LRRC37A3: variants seen among roughly 807,000 people sequenced by gnomAD.
LRRC37A3 encodes the protein leucine rich repeat containing 37 member A3, also known as leucine-rich repeat-containing protein 37A3.
LRRC37A3 carries 25 observed loss-of-function variants against 106.2 expected under a neutral mutation model. The observed-to-expected ratio is 0.24, with a 90% CI of 0.17 to 0.33. The LOEUF (loss-of-function observed/expected upper bound fraction) is 0.33, where lower values mean the gene tolerates loss of function less well. Ranked by LOEUF, LRRC37A3 falls within the 10% of genes least tolerant of loss-of-function variation. LRRC37A3 has a pLI of 1.00. For synonymous variants in LRRC37A3, 305 were observed against 635.8 expected (o/e 0.48, Z 7.83); for missense variants, 712 against 1,644.9 (o/e 0.43, Z 9.81).
intron 8 of LRRC37A3, chr17:64,881,304 G>C (rs1382560627): frequency 1.5e-6 from 1 of 665,458 alleles, no homozygotes; most frequent in East Asian, 2.7e-5. Context: ...GTGCAGTGCA[G>C]TGGTGTGATC....
intron 2 of LRRC37A3, among the ~76,000 whole-genome samples, chr17:64,913,485 C>T (rs1174123164): frequency 6.6e-6 from 1 of 151,946 alleles, no homozygotes; most frequent in East Asian, 1.9e-4. Flanking sequence ...GGACTACAGA[C>T]GTGTGCCACC....
chr17:64,896,818 G>A lies in LRRC37A3; in HGVS notation c.440C>T (p.Pro147Leu). 2 of 1,610,442 alleles carry A rather than the reference G, an allele frequency of 1.2e-6. No individual in the cohort carries two copies. Among genetic ancestry groups the A allele is most frequent in the Non-Finnish European group, 1.7e-6 (2 of 1,179,938 alleles). Residue 147 changes from proline (P) to leucine (L), a missense_variant, in exon 4 of 15, where the codon CCC (proline) becomes CTC (leucine). Physicochemically the swap from Pro to Leu is moderately conservative, Grantham distance 98. Coordinates refer to ENST00000584306, the MANE Select transcript of LRRC37A3 (RefSeq NM_199340.5). ...LSPQERLPVS[P>L]KKLKKDPAQR... Reference sequence around the variant, plus strand: ...AGCTGGATCTTTCTTCAGCTTCTTGGGCGAAACAGGGAGCCTTTCCTGTGG... The same window carrying A: ...AGCTGGATCTTTCTTCAGCTTCTTGAGCGAAACAGGGAGCCTTTCCTGTGG...
chr17:64,874,352 GA>G (rs1469621481), intron 8 of LRRC37A3, among the ~76,000 whole-genome samples: 1 of 150,712 alleles, frequency 6.6e-6, no homozygotes, highest in African/African-American at 2.4e-5. Flanking sequence ...TCTGAGACGT[GA>G]GGAGCCCCTA....
At position 64,917,375 on chromosome 17, in the gene LRRC37A3, G is replaced by T. The variant is rs552326833; in HGVS notation, c.-496+1375C>A. On this transcript the variant is annotated intron_variant, in intron 2 of 14. Coordinates refer to ENST00000584306, the MANE Select transcript of LRRC37A3 (RefSeq NM_199340.5). ...ACAGCTACTTTGGAAAACAGTTTTG[G>T]CAGTTTCTTATAAACATACAACCCA... 8.4e-3 allele frequency among the ~76,000 whole-genome samples: 1,269 copies of T among 151,408 alleles called. 18 individuals are homozygous for T. The highest frequency in any genetic ancestry group is 0.029 in the African/African-American group (1,179 of 41,196).
Position 64,877,881 on chromosome 17 carries a change from G to A in LRRC37A3, c.2906+8205C>T, listed in dbSNP as rs568305770. 2.6e-5 allele frequency among the ~76,000 whole-genome samples: 4 copies of A among 151,946 alleles called. No individual in the cohort carries two copies. The South Asian group carries it at 8.3e-4, about 32-fold the overall frequency. The stretch of plus-strand genomic sequence containing the variant: ...TTATGGAAAATTGATTTTTGACAAG[G>A]GTGCTGAAACAATTCTACGTGGAAA... On this transcript the variant is annotated intron_variant, in intron 8 of 14. Coordinates refer to ENST00000584306, the MANE Select transcript of LRRC37A3 (RefSeq NM_199340.5).
intron 8 of LRRC37A3, chr17:64,881,112 A>G: frequency 7.1e-6 from 5 of 700,936 alleles, no homozygotes; most frequent in South Asian, 4.4e-5. Flanking sequence ...ATTCATCTAC[A>G]TAGGTTCGTG....
intron 2 of LRRC37A3, chr17:64,909,890 G>T (rs1409075314): frequency 6.6e-6 from 1 of 152,094 alleles, no homozygotes; most frequent in African/African-American, 2.4e-5. Flanking sequence ...TGAATTTCTT[G>T]ACTGAATGGC....
chr17:64,874,857 C>T (rs911053876), intron 8 of LRRC37A3, among the ~76,000 whole-genome samples: 10 of 151,884 alleles, frequency 6.6e-5, no homozygotes, highest in African/African-American at 9.7e-5. Context: ...GGATTAAGGG[C>T]GGTGCAAGAT....
At chr17:64,889,945 C>T (rs1320697597) in intron 5 of LRRC37A3, among the ~76,000 whole-genome samples, 193 bp from the exon 6 acceptor site, 1 of 29,780 alleles carries the variant, frequency 3.4e-5, no homozygotes, top group Admixed American at 3.8e-4. Flanking sequence ...ACCACAAACA[C>T]ACACACACAC....
chr17:64,863,952 G>A (rs1303616007), intron 10 of LRRC37A3, among the ~76,000 whole-genome samples: 1 of 149,468 alleles, frequency 6.7e-6, no homozygotes, highest in Admixed American at 6.7e-5. Flanking sequence ...GTATAGGCTT[G>A]CACCACCATG....
intron 2 of LRRC37A3, among the ~76,000 whole-genome samples, chr17:64,917,739 G>A (rs1427875905): frequency 6.6e-6 from 1 of 152,108 alleles, no homozygotes; most frequent in African/African-American, 2.4e-5. Flanking sequence ...GGCCGAGGCC[G>A]GCGGATTACC....
chr17:64,860,673 C>G lies in LRRC37A3; in HGVS notation c.3473G>C (p.Gly1158Ala). The change falls in exon 12 of 15, where the codon GGC becomes GCC. Residue 1158 changes from glycine (G) to alanine (A), a missense_variant. Transcript: ENST00000584306. Reference sequence around the variant, plus strand: ...TCTATTCAGTCTCTGCCGGTTTTTGCCTACAGTTTGAATCTTTGCCAGGCT... The same window carrying G: ...TCTATTCAGTCTCTGCCGGTTTTTGGCTACAGTTTGAATCTTTGCCAGGCT... ...GNSLAKIQTV[G>A]KNRQRLNRVL... The G allele has an allele frequency of 6.2e-7, 1 of 1,614,002 alleles. No individual in the cohort carries two copies. The highest frequency in any genetic ancestry group is 8.5e-7 in the Non-Finnish European group (1 of 1,179,882).
At chr17:64,915,514 A>T (rs1203332612) in intron 2 of LRRC37A3, among the ~76,000 whole-genome samples, 27 of 152,254 alleles carry the variant, frequency 1.8e-4, no homozygotes, top group Admixed American at 4.6e-4. Flanking sequence ...TCATTGCTAC[A>T]ATGGCAGAGC....
intron 2 of LRRC37A3, among the ~76,000 whole-genome samples, chr17:64,903,745 A>AT (rs2143598517): frequency 6.6e-6 from 1 of 152,374 alleles, no homozygotes; most frequent in East Asian, 1.9e-4. Flanking sequence ...CCTGAGGGCC[A>AT]TGAGTACTAG....
At chr17:64,857,553 C>T (rs543467032) in intron 13 of LRRC37A3, among the ~76,000 whole-genome samples, 13 of 151,988 alleles carry the variant, frequency 8.6e-5, no homozygotes, top group South Asian at 6.2e-4. Context: ...TGCAGTGGTA[C>T]GACCACAGCT....
intron 1 of LRRC37A3, among the ~76,000 whole-genome samples, 174 bp from the exon 2 acceptor site, chr17:64,919,044 G>A (rs1974769376): frequency 6.6e-6 from 1 of 152,038 alleles, no homozygotes; most frequent in African/African-American, 2.4e-5. Flanking sequence ...GCTTTCTCCG[G>A]CTACTGCTGC....
chr17:64,874,095 C>A (rs1397066685), intron 8 of LRRC37A3, among the ~76,000 whole-genome samples: 1 of 152,182 alleles, frequency 6.6e-6, no homozygotes, highest in Admixed American at 6.5e-5. Flanking sequence ...TAGCTAATTT[C>A]TCTTCAAAAA....
chr17:64,897,342 G>T lies in LRRC37A3; in HGVS notation c.-85C>A. On this transcript the variant is annotated 5_prime_UTR_variant, in exon 4 of 15. Transcript: ENST00000584306. ...ACACCTTTATTTATGCCACAGATCT[G>T]CTCCATGTCACCAGGGCACTCTTAT... The T allele has an allele frequency of 6.3e-7, 1 of 1,598,750 alleles. No individual in the cohort carries two copies. The highest frequency in any genetic ancestry group is 1.1e-5 in the South Asian group (1 of 90,452).
chr17:64,857,995 C>T (rs1598388582), intron 13 of LRRC37A3, among the ~76,000 whole-genome samples: 1 of 152,196 alleles, frequency 6.6e-6, no homozygotes, highest in African/African-American at 2.4e-5. Context: ...AAAAGTAATA[C>T]ATCATGTAAT....
Sources: allele counts gnomAD v4.1 joint callset (sites outside exome capture counted in the v4.1 genomes callset), GRCh38; gene constraint gnomAD v4.1.1; transcripts MANE v1.5; gene names NCBI Gene and HGNC (gene_info 2026-07-23, HGNC 2026-07-21).